The following FAM168A variants were observed in gnomAD, a reference collection of about 807,000 sequenced individuals.
FAM168A encodes the protein family with sequence similarity 168 member A, also known as protein FAM168A.
Under a neutral mutation model 28.5 loss-of-function variants are expected in FAM168A, and 3 were observed. That is an observed-to-expected ratio of 0.11 (90% CI 0.05 to 0.27). The LOEUF is 0.27. Ranked by LOEUF, FAM168A falls within the 10% of genes least tolerant of loss-of-function variation. The pLI, the probability that FAM168A is intolerant of heterozygous loss-of-function variation, is 1.00. For synonymous variants in FAM168A, 122 were observed against 124.2 expected, an observed-to-expected ratio of 0.98 and a Z score of 0.12; for missense variants, 222 against 311.5, an observed-to-expected ratio of 0.71 and a Z score of 2.16.
Position 73,468,465 on chromosome 11 carries a change from C to G in FAM168A, c.10G>C (p.Val4Leu), listed in dbSNP as rs770943987. The G allele has an allele frequency of 6.2e-7, 1 of 1,614,026 alleles. No homozygotes were observed. The highest frequency in any genetic ancestry group is 8.5e-7 in the Non-Finnish European group (1 of 1,179,948). ...GCCCCAGGCTGCACGGGGCTGTAAACAGGGTTCATTGTGGAAGACTGAGGA... is the reference window on the plus strand; with the variant it reads ...GCCCCAGGCTGCACGGGGCTGTAAAGAGGGTTCATTGTGGAAGACTGAGGA... Reference protein sequence around the residue: MNPVYSPVQPGAPY... With the variant: MNPLYSPVQPGAPY... The change falls in exon 2 of 8, where the codon GTT becomes CTT. Residue 4 changes from valine to leucine, a missense_variant. By Grantham distance (32) the Val-to-Leu change is conservative. This residue lies in a region of FAM168A where 153 missense variants were observed against 189.2 expected (regional missense o/e 0.81). Coordinates refer to ENST00000356467, the MANE Select transcript of FAM168A (RefSeq NM_015159.3).
At chr11:73,465,552 A>T (rs1413189515) in intron 2 of FAM168A, among the ~76,000 whole-genome samples, 1 of 78,874 alleles carries the variant, frequency 1.3e-5, no homozygotes, top group South Asian at 2.6e-4. Context: ...TCTGGAGGGT[A>T]GAAGTCCAAG....
intron 1 of FAM168A, among the ~76,000 whole-genome samples, chr11:73,581,775 G>A (rs1162377290): frequency 6.6e-6 from 1 of 151,876 alleles, no homozygotes; most frequent in Non-Finnish European, 1.5e-5. Context: ...CTGGAGTGCA[G>A]TGGCGCAATC....
chr11:73,499,831 G>T (rs1245063098), intron 1 of FAM168A, among the ~76,000 whole-genome samples: 1 of 151,942 alleles, frequency 6.6e-6, no homozygotes, highest in Non-Finnish European at 1.5e-5. Flanking sequence ...AGAGAAAAAA[G>T]AATGAAAAGG....
intron 1 of FAM168A, among the ~76,000 whole-genome samples, chr11:73,559,702 T>C (rs1943934902): frequency 6.6e-6 from 1 of 152,242 alleles, no homozygotes; most frequent in South Asian, 2.1e-4. Flanking sequence ...GTTTTGGAAC[T>C]AGACAGAGAT....
chr11:73,492,828 T>G (rs1487099460), intron 1 of FAM168A, among the ~76,000 whole-genome samples: 1 of 151,900 alleles, frequency 6.6e-6, no homozygotes, highest in African/African-American at 2.4e-5. Context: ...TGGAACACAA[T>G]GCAGCCATAA....
At chr11:73,578,405 CTT>C (rs1269680560) in intron 1 of FAM168A, among the ~76,000 whole-genome samples, 4 of 152,182 alleles carry the variant, frequency 2.6e-5, no homozygotes, top group African/African-American at 9.7e-5. Context: ...TATGTCAAAA[CTT>C]AGCAAATTGT....
At chr11:73,577,775 C>T (rs1267913343) in intron 1 of FAM168A, among the ~76,000 whole-genome samples, 1 of 152,132 alleles carries the variant, frequency 6.6e-6, no homozygotes, top group African/African-American at 2.4e-5. Context: ...TAAACATAGG[C>T]ATAAAGAATG....
intron 2 of FAM168A, among the ~76,000 whole-genome samples, chr11:73,467,370 T>C (rs1301591866): frequency 6.6e-6 from 1 of 151,766 alleles, no homozygotes; most frequent in East Asian, 1.9e-4. Flanking sequence ...TTAGGGCAAG[T>C]TGTCCAAAGT....
intron 1 of FAM168A, among the ~76,000 whole-genome samples, chr11:73,498,325 C>A (rs1366180255): frequency 6.6e-6 from 1 of 152,202 alleles, no homozygotes; most frequent in Non-Finnish European, 1.5e-5. Context: ...GGGACCCCCC[C>A]TTCCCCCCAG....
In FAM168A at chr11:73,544,885, TAA is replaced by T. The variant is rs1430482030; in HGVS notation, c.-19+53036_-19+53037del. ...AATATATAATTATATATATTATATA[TAA>T]AATATAAAATATATTATATAATATA... On this transcript the variant is annotated intron_variant, in intron 1 of 7. Transcript: ENST00000356467. Among the ~76,000 whole-genome samples, 57 of 92,762 alleles carry T rather than the reference TAA, an allele frequency of 6.1e-4. 1 individual carries two copies. The highest frequency in any genetic ancestry group is 4.8e-3 in the Middle Eastern group (1 of 208). 60.9% of individuals were successfully genotyped at this position (92,762 alleles called of 152,430 possible). A position where few individuals can be genotyped will look rare whatever the true frequency, so the allele number is the denominator to read the frequency against.
intron 1 of FAM168A, among the ~76,000 whole-genome samples, chr11:73,535,037 A>G (rs1420746336): frequency 2.6e-5 from 4 of 152,194 alleles, no homozygotes; most frequent in Non-Finnish European, 5.9e-5. Context: ...CTTCCGGAGA[A>G]TCTGACCAGC....
chr11:73,431,653 T>A (rs997917708), intron 2 of FAM168A, among the ~76,000 whole-genome samples: 2 of 152,190 alleles, frequency 1.3e-5, no homozygotes, highest in African/African-American at 4.8e-5. Context: ...CATCACTGAA[T>A]GAGTAGTTCG....
chr11:73,413,250 A>AT, intron 4 of FAM168A, among the ~76,000 whole-genome samples: 1 of 152,136 alleles, frequency 6.6e-6, no homozygotes, highest in South Asian at 2.1e-4. Flanking sequence ...CACGTCATTT[A>AT]TTTTTTCACC....
chr11:73,591,856 C>T lies in FAM168A; in HGVS notation c.-19+6067G>A, dbSNP rs567012486. 4.5e-4 allele frequency among the ~76,000 whole-genome samples: 69 copies of T among 152,250 alleles called. 1 individual carries two copies. The highest frequency in any genetic ancestry group is 1.6e-3 in the African/African-American group (67 of 41,540). ...CTTCATCCTTAAAATGAAAATAATG[C>T]CACATGACCAACCTAAGAACTATAT... On this transcript the variant is annotated intron_variant, in intron 1 of 7. Coordinates refer to ENST00000356467, the MANE Select transcript of FAM168A (RefSeq NM_015159.3).
chr11:73,537,746 G>C (rs1315016976), intron 1 of FAM168A, among the ~76,000 whole-genome samples: 1 of 152,114 alleles, frequency 6.6e-6, no homozygotes, highest in Admixed American at 6.6e-5. Flanking sequence ...CAAACATTGT[G>C]TTATGTTAGC....
chr11:73,536,173 T>G (rs1422644999), intron 1 of FAM168A, among the ~76,000 whole-genome samples: 1 of 152,200 alleles, frequency 6.6e-6, no homozygotes, highest in Non-Finnish European at 1.5e-5. Context: ...ATCAGCTTTT[T>G]AGTATTCCAC....
intron 1 of FAM168A, among the ~76,000 whole-genome samples, chr11:73,574,903 G>A (rs1006648743): frequency 6.6e-6 from 1 of 151,044 alleles, no homozygotes; most frequent in Non-Finnish European, 1.5e-5. Context: ...GGCCAATGAT[G>A]AAAGCACCAA....
chr11:73,544,948 T>TATTATATATAAAATATAA (rs1943716890), intron 1 of FAM168A, among the ~76,000 whole-genome samples: 1 of 92,238 alleles, frequency 1.1e-5, no homozygotes, highest in African/African-American at 5.6e-5. Flanking sequence ...ATGTAATATA[T>TATTATATATAAAATATAA]AATATATTAT....
rs58142151 is a variant in FAM168A, at chr11:73,457,723, C to CAAAAAAAAAAA, written c.70+10671_70+10681dup. On this transcript the variant is annotated intron_variant, in intron 2 of 7. Coordinates refer to ENST00000356467, the MANE Select transcript of FAM168A (RefSeq NM_015159.3). ...TGCTACGGTACTCTAGCCTGGGTGA[C>CAAAAAAAAAAA]AAAAAAAAAAAAAAAAAAAAAAAAA... is the stretch of plus-strand genomic sequence containing the variant. Among the ~76,000 whole-genome samples, 70 of 37,522 alleles carry CAAAAAAAAAAA rather than the reference C, an allele frequency of 1.9e-3. 1 individual carries two copies. The highest frequency in any genetic ancestry group is 2.5e-3 in the Admixed American group (5 of 2,002). The allele number at this position is 37,522 out of a possible 152,430, so 24.6% of individuals were successfully genotyped here.
Sources: gnomAD v4.1 joint callset for allele counts (sites outside exome capture counted in the v4.1 genomes callset) on GRCh38, gnomAD v4.1.1 for gene constraint, gnomAD v4.1.1 regional missense constraint, MANE v1.5 for transcripts, NCBI Gene and HGNC (gene_info 2026-07-23, HGNC 2026-07-21) for gene names.